Variants in PDGFB observed in about 807,000 individuals in gnomAD.
PDGFB encodes platelet-derived growth factor subunit B.
A neutral mutation model predicts 29.0 loss-of-function variants in PDGFB; 6 were observed. The observed-to-expected ratio is 0.21, with a 90% CI of 0.11 to 0.41. PDGFB has a LOEUF of 0.41. Among genes scored for constraint, PDGFB ranks in the 10% least tolerant of loss-of-function variants. The pLI is 1.00. For synonymous variants in PDGFB, 144 were observed against 140.8 expected (o/e 1.02, Z -0.16); for missense variants, 299 against 341.8 (o/e 0.87, Z 0.99).
rs575538145 is a variant in PDGFB, at chr22:39,235,758, G to T, written c.160+20C>A. The T allele has an allele frequency of 1.5e-5, 24 of 1,574,108 alleles. No individual in the cohort carries two copies. Among genetic ancestry groups the T allele is most frequent in the South Asian group, 1.4e-4 (13 of 90,222 alleles). ...AAGTCTCCTCGGAGGGCCGGAGCGC[G>T]GGGCGAGGATTCCATTTACCTCCGG... On this transcript the variant is annotated intron_variant, in intron 2 of 6. Transcript: ENST00000331163.
chr22:39,229,643 G>A, intron 5 of PDGFB, among the ~76,000 whole-genome samples: 1 of 152,198 alleles, frequency 6.6e-6, no homozygotes, highest in Admixed American at 6.5e-5. Context: ...GGCTATGGTA[G>A]CAAGACTGGA....
chr22:39,233,573 G>T (rs1048287899), intron 2 of PDGFB, 49 bp from the exon 3 acceptor site: 17 of 1,381,500 alleles, frequency 1.2e-5, no homozygotes, highest in Non-Finnish European at 1.7e-5. Flanking sequence ...CCTTGGGCAG[G>T]GGCTCCCTCC....
chr22:39,226,907 T>G (rs748569195), intron 5 of PDGFB, among the ~76,000 whole-genome samples: 1 of 152,246 alleles, frequency 6.6e-6, no homozygotes, highest in African/African-American at 2.4e-5. Flanking sequence ...CTCCCACGTA[T>G]CGTGGACATT....
At chr22:39,230,699 A>C (rs2146437593) in intron 4 of PDGFB, among the ~76,000 whole-genome samples, 1 of 152,348 alleles carries the variant, frequency 6.6e-6, no homozygotes, top group Middle Eastern at 3.4e-3. Flanking sequence ...GAGAGTGGGC[A>C]GTGGGGTGGA....
chr22:39,234,878 T>C (rs1175455031), intron 2 of PDGFB, among the ~76,000 whole-genome samples: 1 of 151,962 alleles, frequency 6.6e-6, no homozygotes, highest in Admixed American at 6.5e-5. Flanking sequence ...AAGGCTAAAT[T>C]TGGAAGTTGC....
intron 5 of PDGFB, among the ~76,000 whole-genome samples, chr22:39,229,610 T>TG (rs970758139): frequency 6.6e-6 from 1 of 152,136 alleles, no homozygotes; most frequent in Non-Finnish European, 1.5e-5. Flanking sequence ...CACCATCCCA[T>TG]CCCCACATCC....
In PDGFB at chr22:39,231,775, G is replaced by A. The variant is rs745726098; in HGVS notation, c.303C>T (p.Thr101=). The A allele has an allele frequency of 2.5e-6, 4 of 1,613,718 alleles. No homozygotes were observed. The highest frequency in any genetic ancestry group is 1.1e-5 in the South Asian group (1 of 90,998). The change falls in exon 4 of 7, where the codon ACC becomes ACT. Residue 101 remains threonine, a synonymous_variant. Coordinates refer to ENST00000331163, the MANE Select transcript of PDGFB (RefSeq NM_002608.4). This position sits in a 1 kb window ranked among gnomAD's most constrained non-coding sequence, Gnocchi z 4.3. The part of the protein sequence containing the change: ...PAMIAECKTR[T]EVFEISRRLI... ...GGCGCCGGGAGATCTCGAACACCTC[G>A]GTGCGCGTCTTGCACTCGGCGATCA...
chr22:39,239,524 G>T (rs185767242), intron 1 of PDGFB, among the ~76,000 whole-genome samples: 2 of 152,118 alleles, frequency 1.3e-5, no homozygotes, highest in Non-Finnish European at 2.9e-5. Context: ...AAGGTGAGCC[G>T]CCCGGAGCCT....
chr22:39,236,824 G>A (rs565390204), intron 1 of PDGFB, among the ~76,000 whole-genome samples: 1 of 152,318 alleles, frequency 6.6e-6, no homozygotes, highest in East Asian at 1.9e-4. Flanking sequence ...AGATGTCGCT[G>A]CACGTTCAAA....
intron 5 of PDGFB, among the ~76,000 whole-genome samples, chr22:39,229,802 G>T (rs1389159793): frequency 1.3e-5 from 2 of 152,148 alleles, no homozygotes; most frequent in African/African-American, 4.8e-5. Flanking sequence ...AAAGCCTTGA[G>T]GCAGAAACTC....
chr22:39,240,843 A>G, intron 1 of PDGFB: 1 of 1,613,750 alleles, frequency 6.2e-7, no homozygotes, highest in Admixed American at 1.7e-5. Context: ...CAAGACGTGG[A>G]GAGGTACTTA....
Position 39,239,524 on chromosome 22 carries a change from G to A in PDGFB, c.64-3650C>T, listed in dbSNP as rs185767242. 3.0e-3 allele frequency among the ~76,000 whole-genome samples: 453 copies of A among 152,234 alleles called. 2 individuals are homozygous for A. Among genetic ancestry groups the A allele is most frequent in the African/African-American group, 0.01 (416 of 41,540 alleles). On this transcript the variant is annotated intron_variant, in intron 1 of 6. Transcript: ENST00000331163. ...TCTTCTTGGTATGGGAAGGTGAGCCGCCCGGAGCCTGGTTTTCCTGGGCAC... is the reference window on the plus strand; with the variant it reads ...TCTTCTTGGTATGGGAAGGTGAGCCACCCGGAGCCTGGTTTTCCTGGGCAC...
chr22:39,230,941 C>G (rs1932287810), intron 4 of PDGFB, among the ~76,000 whole-genome samples: 1 of 152,224 alleles, frequency 6.6e-6, no homozygotes, highest in African/African-American at 2.4e-5. Context: ...TCTGACTCTG[C>G]CCCGACTAGG....
chr22:39,225,567 T>A (rs1932144277), intron 6 of PDGFB, 128 bp downstream of exon 6: 2 of 907,858 alleles, frequency 2.2e-6, no homozygotes, highest in Non-Finnish European at 1.6e-6. Context: ...AGCTGATAAC[T>A]GGACAGGGAG....
rs1476079860 is a variant in PDGFB at position 39,231,356 on chromosome 22, C to T, written c.456+266G>A. ...ATCCCTACTTCACGTTGGCTCCACA[C>T]CTCGCCCAGCCCGGGGGGTCTGTCT... On this transcript the variant is annotated intron_variant, in intron 4 of 6. Coordinates refer to ENST00000331163, the MANE Select transcript of PDGFB (RefSeq NM_002608.4). The surrounding 1 kb of genome is among the most constrained non-coding windows in gnomAD (Gnocchi z 4.3). 6.6e-6 allele frequency among the ~76,000 whole-genome samples: 1 copy of T among 152,232 alleles called. No homozygotes were observed. Among genetic ancestry groups the T allele is most frequent in the Non-Finnish European group, 1.5e-5 (1 of 68,044 alleles).
At chr22:39,237,469 T>C (rs1162922537) in intron 1 of PDGFB, among the ~76,000 whole-genome samples, 2 of 152,144 alleles carry the variant, frequency 1.3e-5, no homozygotes, top group Non-Finnish European at 2.9e-5. Context: ...TTTCCTTCAA[T>C]ATCCGGGCAG....
intron 1 of PDGFB, among the ~76,000 whole-genome samples, chr22:39,236,652 G>A (rs1318500628): frequency 6.6e-6 from 1 of 152,188 alleles, no homozygotes; most frequent in Non-Finnish European, 1.5e-5. Context: ...GTCCCACAAT[G>A]ACACAAGAGC....
intron 1 of PDGFB, among the ~76,000 whole-genome samples, chr22:39,236,562 C>A (rs1397815978): frequency 6.6e-6 from 1 of 152,244 alleles, no homozygotes; most frequent in Non-Finnish European, 1.5e-5. Context: ...CCCCTTTGGC[C>A]TGTTGCCAAA....
chr22:39,234,015 A>G (rs1932379742), intron 2 of PDGFB, among the ~76,000 whole-genome samples: 1 of 22,860 alleles, frequency 4.4e-5, no homozygotes, highest in Admixed American at 8.0e-4. Flanking sequence ...GGAGCCACGG[A>G]GGGAGGGAGG....
Sources: gnomAD v4.1 joint callset for allele counts (sites outside exome capture counted in the v4.1 genomes callset) on GRCh38, gnomAD v4.1.1 for gene constraint, Gnocchi (gnomAD v3.1) non-coding constraint, MANE v1.5 for transcripts, NCBI Gene and HGNC (gene_info 2026-07-23, HGNC 2026-07-21) for gene names.